The following CEP44 variants were observed in gnomAD, a reference collection of about 807,000 sequenced individuals.
The protein encoded by CEP44 is centrosomal protein 44, also known as centrosomal protein of 44 kDa.
A neutral mutation model predicts 46.7 loss-of-function variants in CEP44; 45 were observed. That is an observed-to-expected ratio of 0.96 (90% CI 0.76 to 1.24). The LOEUF (loss-of-function observed/expected upper bound fraction) is 1.24. Ranked by LOEUF, CEP44 falls within the 50% of genes most tolerant of loss-of-function variation. CEP44 has a pLI of 0.00. For missense variants in CEP44, 475 were observed against 459.7 expected, an observed-to-expected ratio of 1.03 and a Z score of -0.30; for synonymous variants, 142 against 146.0, an observed-to-expected ratio of 0.97 and a Z score of 0.20.
At chr4:174,321,910 C>G (rs1325907989), downstream of CEP44, among the ~76,000 whole-genome samples, 3 of 152,086 alleles carry the variant, frequency 2.0e-5, no homozygotes, top group Admixed American at 1.3e-4. Context: ...GAGAGGAAAA[C>G]AGAAACCACT....
intron 9 of CEP44, among the ~76,000 whole-genome samples, chr4:174,313,088 T>G (rs1266749243): frequency 6.6e-6 from 1 of 152,102 alleles, no homozygotes. Flanking sequence ...AATGAAATTT[T>G]TAGCATAAAA....
Position 174,310,826 on chromosome 4 carries a change from C to A in CEP44, c.929C>A (p.Ala310Asp). 2 of 1,526,598 alleles carry A rather than the reference C, an allele frequency of 1.3e-6. No homozygotes were observed. The highest frequency in any genetic ancestry group is 1.8e-6 in the Non-Finnish European group (2 of 1,110,528). 94.6% of individuals were successfully genotyped at this position (1,526,598 alleles called of 1,614,324 possible). A position where few individuals can be genotyped will look rare whatever the true frequency, so the allele number is the denominator to read the frequency against. ...TTTAATGAAGTTAGTGAAGACTACG[C>A]TTCTTGTAGTGACATGGACCTTCTG... ...IEFNEVSEDY[A>D]SCSDMDLLNP... The change falls in exon 9 of 12, where the codon GCT becomes GAT. Residue 310 changes from alanine to aspartate, a missense_variant. Coordinates refer to ENST00000503780, the MANE Select transcript of CEP44 (RefSeq NM_001040157.3). This position sits in a 1 kb window ranked among gnomAD's most constrained non-coding sequence, Gnocchi z 4.2.
At chr4:174,308,640 T>C (rs773672085) in intron 6 of CEP44, 49 bp from the exon 7 acceptor site, 1 of 1,539,888 alleles carries the variant, frequency 6.5e-7, no homozygotes, top group Non-Finnish European at 8.8e-7. Context: ...AATAAATAAT[T>C]GTGGGAGGAA....
At chr4:174,285,769 A>G (rs568983967) in intron 1 of CEP44, among the ~76,000 whole-genome samples, 1 of 152,328 alleles carries the variant, frequency 6.6e-6, no homozygotes, top group South Asian at 2.1e-4. Flanking sequence ...GACCTACTAT[A>G]TTGGCCAGTG....
chr4:174,324,664 A>G (rs1236068253), downstream of CEP44, among the ~76,000 whole-genome samples: 2 of 152,138 alleles, frequency 1.3e-5, no homozygotes, highest in Non-Finnish European at 2.9e-5. Flanking sequence ...TGGCCTAACC[A>G]GAGGATCCCC....
At chr4:174,284,760 G>A (rs1434692364) in intron 1 of CEP44, among the ~76,000 whole-genome samples, 2 of 152,064 alleles carry the variant, frequency 1.3e-5, no homozygotes, top group Non-Finnish European at 2.9e-5. Flanking sequence ...CTATCTCTTA[G>A]AGAAGTATTT....
chr4:174,294,804 G>T (rs1325615830), intron 1 of CEP44, among the ~76,000 whole-genome samples: 1 of 141,716 alleles, frequency 7.1e-6, no homozygotes, highest in Non-Finnish European at 1.6e-5. Context: ...CGGGTGGGGG[G>T]CTGACCCCCC....
chr4:174,317,211 G>A, intron 11 of CEP44, 124 bp from the exon 12 acceptor site: 2 of 389,384 alleles, frequency 5.1e-6, no homozygotes, highest in Non-Finnish European at 9.1e-6. Flanking sequence ...CATAGTAACT[G>A]TACTTATAGA....
intron 8 of CEP44, among the ~76,000 whole-genome samples, chr4:174,328,715 T>A (rs936852004): frequency 6.6e-6 from 1 of 152,184 alleles, no homozygotes; most frequent in Admixed American, 6.5e-5. Flanking sequence ...TCAACAAATA[T>A]GATTTTTTAA....
chr4:174,331,568 C>T lies in CEP44; in HGVS notation c.1173C>T (p.Ser391=), dbSNP rs1452692014. 2 of 1,551,378 alleles carry T rather than the reference C, an allele frequency of 1.3e-6. No individual in the cohort carries two copies. Among genetic ancestry groups the T allele is most frequent in the African/African-American group, 2.7e-5 (2 of 73,056 alleles). ...ATACTTCATACCTTTCATCACAGAG[C>T]TTTGCTTGGCCTCTCTCCTGTGTGT... Residue 391 remains serine, a synonymous_variant, in exon 9 of 9, where the codon AGC becomes AGT. Transcript: ENST00000426172. The surrounding 1 kb of genome is among the most constrained non-coding windows in gnomAD (Gnocchi z 4.5).
intron 4 of CEP44, among the ~76,000 whole-genome samples, chr4:174,302,910 A>G (rs1274174530): frequency 6.6e-6 from 1 of 151,356 alleles, no homozygotes; most frequent in African/African-American, 2.4e-5. Context: ...CCTCCTGAGT[A>G]GCTGGGACTA....
intron 8 of CEP44, among the ~76,000 whole-genome samples, chr4:174,327,863 C>A (rs892629746): frequency 6.6e-6 from 1 of 152,018 alleles, no homozygotes; most frequent in Non-Finnish European, 1.5e-5. Flanking sequence ...AATATCAATA[C>A]CACCTACAAG....
Position 174,302,066 on chromosome 4 carries a change from T to C in CEP44, c.117T>C (p.Ser39=), listed in dbSNP as rs1352190684. ...VGLIKGDPAA[S]LPIISYSFTS... ...TGATAAAGGGAGACCCAGCAGCATC[T>C]TTGCCCATCATCAGCTATTCTTTTA... The change falls in exon 4 of 12, where the codon TCT becomes TCC. Residue 39 remains serine (S), a synonymous_variant. Transcript: ENST00000503780. 2.5e-6 allele frequency: 4 copies of C among 1,609,012 alleles called. No individual in the cohort carries two copies. The highest frequency in any genetic ancestry group is 2.5e-6 in the Non-Finnish European group (3 of 1,178,776).
chr4:174,327,210 A>C (rs1429068184), intron 8 of CEP44, among the ~76,000 whole-genome samples: 2 of 150,626 alleles, frequency 1.3e-5, no homozygotes, highest in Non-Finnish European at 3.0e-5. Context: ...GAGAGAGAAA[A>C]AACAGATAAA....
chr4:174,324,847 A>G (rs1354154406), downstream of CEP44, among the ~76,000 whole-genome samples: 2 of 152,120 alleles, frequency 1.3e-5, no homozygotes, highest in Non-Finnish European at 1.5e-5. Context: ...CACCCTCTTC[A>G]TATTACAAAG....
chr4:174,285,695 G>C (rs77475862), intron 1 of CEP44: 186 of 152,230 alleles, frequency 1.2e-3, no homozygotes, highest in African/African-American at 4.3e-3. Flanking sequence ...AAAGTTACTG[G>C]GAAGAAGGTA....
chr4:174,290,063 C>T lies in CEP44; in HGVS notation c.-148+6120C>T, dbSNP rs961743508. Among the ~76,000 whole-genome samples, 2 of 152,068 alleles carry T rather than the reference C, an allele frequency of 1.3e-5. No homozygotes were observed. Among genetic ancestry groups the T allele is most frequent in the Admixed American group, 6.5e-5 (1 of 15,268 alleles). Reference sequence around the variant, plus strand: ...TAGAGATGGGGTTTCACCATGTTAGCCAGGATGGTCTCAATCTCTTGACCT... The same window carrying T: ...TAGAGATGGGGTTTCACCATGTTAGTCAGGATGGTCTCAATCTCTTGACCT... On this transcript the variant is annotated intron_variant, in intron 1 of 11. Coordinates refer to ENST00000503780, the MANE Select transcript of CEP44 (RefSeq NM_001040157.3). The surrounding 1 kb of genome is among the most constrained non-coding windows in gnomAD (Gnocchi z 4.3).
rs1278380624 is a variant in CEP44 at position 174,315,689 on chromosome 4, A to C, written c.962-477A>C. On this transcript the variant is annotated intron_variant, in intron 9 of 11. Transcript: ENST00000503780. ...ACCCTGTCTCTACTAAAAATACAAA[A>C]AATTAGCCGGGCGTGGTAGCTGGCG... Among the ~76,000 whole-genome samples, 4 of 152,000 alleles carry C rather than the reference A, an allele frequency of 2.6e-5. No individual in the cohort carries two copies. In the East Asian group the frequency reaches 7.7e-4, roughly 29 times the overall value.
In CEP44 at chr4:174,287,129, G is replaced by A. The variant is rs902589246; in HGVS notation, c.-148+3186G>A. The stretch of plus-strand genomic sequence containing the variant: ...AGAATCAGCATCAAGAGGGGGAATC[G>A]GTGTATTCCTTCTATTTCTAGGCCA... On this transcript the variant is annotated intron_variant, in intron 1 of 11. Coordinates refer to ENST00000503780, the MANE Select transcript of CEP44 (RefSeq NM_001040157.3). This position sits in a 1 kb window ranked among gnomAD's most constrained non-coding sequence, Gnocchi z 5.1. Among the ~76,000 whole-genome samples the A allele has an allele frequency of 2.0e-5, 3 of 152,102 alleles. No homozygotes were observed. Among genetic ancestry groups the A allele is most frequent in the African/African-American group, 7.2e-5 (3 of 41,416 alleles).
Sources: allele counts gnomAD v4.1 joint callset (sites outside exome capture counted in the v4.1 genomes callset), GRCh38; gene constraint gnomAD v4.1.1; non-coding constraint Gnocchi (gnomAD v3.1); transcripts MANE v1.5; gene names NCBI Gene and HGNC (gene_info 2026-07-23, HGNC 2026-07-21).